NTNG1: variants seen among roughly 807,000 people sequenced by gnomAD.
The protein encoded by NTNG1 is netrin-G1.
In NTNG1, 16 loss-of-function variants were observed where a neutral mutation model predicts 54.0. That is an observed-to-expected ratio of 0.30 (90% CI 0.20 to 0.45). The LOEUF is 0.45. NTNG1 is among the 20% of genes least tolerant of loss of function. The pLI is 1.00. For missense variants in NTNG1, 530 were observed against 678.7 expected (o/e 0.78, Z 2.43); for synonymous variants, 255 against 263.1 (o/e 0.97, Z 0.30).
intron 5 of NTNG1, chr1:107,408,705 T>C (rs1673602205): frequency 6.6e-6 from 1 of 152,034 alleles, no homozygotes; most frequent in African/African-American, 2.4e-5. Context: ...TACAAATAAA[T>C]TACCGAGAAA....
intron 2 of NTNG1, among the ~76,000 whole-genome samples, chr1:107,233,728 T>A (rs909653997): frequency 3.3e-5 from 5 of 152,302 alleles, no homozygotes; most frequent in East Asian, 1.9e-4. Context: ...ACTTGTAGAT[T>A]TTGATTAGGG....
Position 107,304,018 on chromosome 1 carries a change from G to GAAAA in NTNG1, c.247-20254_247-20251dup, listed in dbSNP as rs113866125. Among the ~76,000 whole-genome samples, 171 of 140,030 alleles carry GAAAA rather than the reference G, an allele frequency of 1.2e-3. 1 individual carries two copies. The highest frequency in any genetic ancestry group is 4.3e-3 in the African/African-American group (166 of 38,872). 91.9% of individuals were successfully genotyped at this position (140,030 alleles called of 152,430 possible). On this transcript the variant is annotated intron_variant, in intron 2 of 7. Transcript: ENST00000370068. The stretch of plus-strand genomic sequence containing the variant: ...TGTTTTGAACCCCTGCCTCTTTTCA[G>GAAAA]AAAAAAAAAAAAATAGTAATTGCAG...
intron 2 of NTNG1, among the ~76,000 whole-genome samples, chr1:107,238,909 A>G (rs959062911): frequency 1.8e-4 from 27 of 152,286 alleles, no homozygotes; most frequent in African/African-American, 6.0e-4. Flanking sequence ...AAGGTAAAAA[A>G]AAAAATGAAT....
chr1:107,439,277 C>CGTGTGTGTGTGTGTGT (rs3064151), intron 7 of NTNG1, among the ~76,000 whole-genome samples: 19,226 of 145,630 alleles, frequency 0.13, 1,472 homozygotes, highest in Non-Finnish European at 0.17. Context: ...CCAGAACTTG[C>CGTGTGTGTGTGTGTGT]GTGTGTGTGT....
chr1:107,140,126 A>C (rs1015344231), upstream of NTNG1: 15 of 154,796 alleles, frequency 9.7e-5, no homozygotes, highest in African/African-American at 3.6e-4. Flanking sequence ...CAGCAGCTGC[A>C]GCCGGAGCAG....
chr1:107,189,635 C>G (rs1485627057), intron 2 of NTNG1, among the ~76,000 whole-genome samples: 1 of 151,974 alleles, frequency 6.6e-6, no homozygotes, highest in Non-Finnish European at 1.5e-5. Context: ...ATATTCTCTA[C>G]CTTTAAAAAA....
At chr1:107,383,896 AC>A in intron 3 of NTNG1, among the ~76,000 whole-genome samples, 1 of 152,280 alleles carries the variant, frequency 6.6e-6, no homozygotes, top group Admixed American at 6.5e-5. Context: ...TATATTAAGC[AC>A]CTAGTTTTGT....
At chr1:107,459,054 C>T (rs969195353) in intron 7 of NTNG1, among the ~76,000 whole-genome samples, 1 of 152,016 alleles carries the variant, frequency 6.6e-6, no homozygotes, top group African/African-American at 2.4e-5. Context: ...TTATCATTAT[C>T]TTTTACCACT....
rs114415892 is a variant in NTNG1 at position 107,459,024 on chromosome 1, T to C, written c.1391-21587T>C. On this transcript the variant is annotated intron_variant, in intron 7 of 7. Coordinates refer to ENST00000370068, the MANE Select transcript of NTNG1 (RefSeq NM_001113226.3). ...TTAAAGTCATTTTCCATATGTATTGTTTTTTATTTTATTTTATTTTTATCA... is the reference window on the plus strand; with the variant it reads ...TTAAAGTCATTTTCCATATGTATTGCTTTTTATTTTATTTTATTTTTATCA... Among the ~76,000 whole-genome samples the C allele has an allele frequency of 6.0e-3, 913 of 152,322 alleles. 14 individuals are homozygous for C. Among genetic ancestry groups the C allele is most frequent in the African/African-American group, 0.021 (879 of 41,580 alleles).
chr1:107,271,887 T>C (rs879539338), intron 2 of NTNG1, among the ~76,000 whole-genome samples: 22 of 152,162 alleles, frequency 1.4e-4, no homozygotes, highest in Admixed American at 3.3e-4. Context: ...TTTTAAAAAA[T>C]GACATTAATG....
chr1:107,177,353 G>C (rs1185260546), intron 2 of NTNG1, among the ~76,000 whole-genome samples: 1 of 147,974 alleles, frequency 6.8e-6, no homozygotes, highest in Non-Finnish European at 1.5e-5. Flanking sequence ...TTTTTTTCCT[G>C]AGACAGAGTC....
chr1:107,279,740 A>C (rs1469936353), intron 2 of NTNG1, among the ~76,000 whole-genome samples: 4 of 152,126 alleles, frequency 2.6e-5, no homozygotes, highest in Non-Finnish European at 4.4e-5. Context: ...CTGGGTAGAA[A>C]ACAGTATTTC....
At chr1:107,212,905 A>G (rs1659689792) in intron 2 of NTNG1, among the ~76,000 whole-genome samples, 1 of 151,908 alleles carries the variant, frequency 6.6e-6, no homozygotes, top group African/African-American at 2.4e-5. Context: ...GTGGGGAGAA[A>G]GGTGACCATT....
intron 2 of NTNG1, among the ~76,000 whole-genome samples, chr1:107,239,371 G>A (rs1345886930): frequency 6.6e-6 from 1 of 152,172 alleles, no homozygotes; most frequent in Non-Finnish European, 1.5e-5. Flanking sequence ...GAAATGAATG[G>A]GTGGGACAGG....
At position 107,145,442 on chromosome 1, in the gene NTNG1, CA is replaced by C. The variant is rs145689192; in HGVS notation, c.-525-2624del. 5.1e-3 allele frequency among the ~76,000 whole-genome samples: 768 copies of C among 152,014 alleles called. 4 individuals carry two copies. Among genetic ancestry groups the C allele is most frequent in the African/African-American group, 0.017 (718 of 41,526 alleles). ...AAATGCAGGATACATAACAATAGTA[CA>C]AATATAAAAATTAGAATGAAATCAA... is the stretch of plus-strand genomic sequence containing the variant. On this transcript the variant is annotated intron_variant, in intron 1 of 7. Transcript: ENST00000370068.
rs183692384 is a variant in NTNG1, at chr1:107,307,388, G to C, written c.247-16894G>C. Among the ~76,000 whole-genome samples the C allele has an allele frequency of 2.7e-3, 405 of 152,284 alleles. 2 individuals are homozygous for C. The highest frequency in any genetic ancestry group is 2.3e-3 in the Non-Finnish European group (154 of 68,022). On this transcript the variant is annotated intron_variant, in intron 2 of 7. Coordinates refer to ENST00000370068, the MANE Select transcript of NTNG1 (RefSeq NM_001113226.3). ...ACATAAGAATAGCAATGATAGTGAT[G>C]ATGATGATGATGCTAGTAATTTCTG...
intron 2 of NTNG1, among the ~76,000 whole-genome samples, chr1:107,172,494 CA>C (rs756238418): frequency 1.6e-4 from 25 of 152,114 alleles, no homozygotes; most frequent in Non-Finnish European, 2.8e-4. Context: ...CCACAATTAG[CA>C]AAAATCTTGG....
chr1:107,206,520 C>CA (rs1391291194), intron 2 of NTNG1, among the ~76,000 whole-genome samples: 2 of 152,080 alleles, frequency 1.3e-5, no homozygotes, highest in African/African-American at 4.8e-5. Flanking sequence ...ATTACCTTTG[C>CA]ATCTCTCAAA....
chr1:107,241,327 A>G (rs772532417), intron 2 of NTNG1, among the ~76,000 whole-genome samples: 4 of 152,202 alleles, frequency 2.6e-5, no homozygotes, highest in Non-Finnish European at 4.4e-5. Flanking sequence ...CTTTTGATAA[A>G]TTACTAATGG....
Sources: allele counts gnomAD v4.1 joint callset (sites outside exome capture counted in the v4.1 genomes callset), GRCh38; gene constraint gnomAD v4.1.1; transcripts MANE v1.5; gene names NCBI Gene and HGNC (gene_info 2026-07-23, HGNC 2026-07-21).